Variants in TMEM59 observed in about 807,000 individuals in gnomAD.
TMEM59 encodes the protein dendritic cell factor 1.
TMEM59 carries 44 observed loss-of-function variants against 42.2 expected under a neutral mutation model. The observed-to-expected ratio is 1.04, with a 90% CI of 0.82 to 1.34. The LOEUF (loss-of-function observed/expected upper bound fraction) is 1.34, where lower values mean the gene tolerates loss of function less well. TMEM59 is among the 40% of genes most tolerant of loss of function. TMEM59 has a pLI of 0.00. For synonymous variants in TMEM59, 148 were observed against 145.8 expected, an observed-to-expected ratio of 1.02 and a Z score of -0.11; for missense variants, 359 against 382.8, an observed-to-expected ratio of 0.94 and a Z score of 0.52.
chr1:54,049,329 G>A (rs192981565), intron 1 of TMEM59, among the ~76,000 whole-genome samples: 3 of 152,184 alleles, frequency 2.0e-5, no homozygotes, highest in East Asian at 3.9e-4. Context: ...TCACTATTAG[G>A]AGAATTATAT....
rs1656609922 is a variant in TMEM59 at position 54,026,724 on chromosome 1, T to C, written c.*5426A>G. On this transcript the variant is annotated 3_prime_UTR_variant, in exon 8 of 8. Transcript: ENST00000234831. ...GATCCAAGTTTTATTAAAGTTTACA[T>C]ACTTAAGCATAAATAAATTAACAGA... The C allele has an allele frequency of 6.6e-6, 1 of 152,246 alleles. No individual in the cohort carries two copies. The highest frequency in any genetic ancestry group is 2.4e-5 in the African/African-American group (1 of 41,472). 9.4% of individuals were successfully genotyped at this position (152,246 alleles called of 1,614,324 possible). A position where few individuals can be genotyped will look rare whatever the true frequency, so the allele number is the denominator to read the frequency against.
intron 6 of TMEM59, among the ~76,000 whole-genome samples, chr1:54,039,454 CT>C (rs1170917242): frequency 6.6e-6 from 1 of 152,086 alleles, no homozygotes; most frequent in Non-Finnish European, 1.5e-5. Context: ...AAAAACTGCC[CT>C]TTTTTGGACA....
At chr1:54,048,618 C>A in intron 1 of TMEM59, 1 of 403,388 alleles carries the variant, frequency 2.5e-6, no homozygotes. Flanking sequence ...TTAAAAAAAG[C>A]TATTGCATAT....
At chr1:54,051,052 G>C (rs1383299267) in intron 1 of TMEM59, among the ~76,000 whole-genome samples, 1 of 147,464 alleles carries the variant, frequency 6.8e-6, no homozygotes, top group Non-Finnish European at 1.5e-5. Context: ...ACGGGGTCTT[G>C]CCATGTTGTC....
rs1462760972 is a variant in TMEM59, at chr1:54,041,609, G to C, written c.625+115C>G. 3 of 813,002 alleles carry C rather than the reference G, an allele frequency of 3.7e-6. No individual in the cohort carries two copies. The East Asian group carries it at 7.8e-5, about 21-fold the overall frequency. The allele number at this position is 813,002 out of a possible 1,614,324, so 50.4% of individuals were successfully genotyped here. A position where few individuals can be genotyped will look rare whatever the true frequency, so the allele number is the denominator to read the frequency against. On this transcript the variant is annotated intron_variant, in intron 5 of 7. Transcript: ENST00000234831. ...TACACATGAAAGTTTGAGAACCACT[G>C]TTTTAGAAATTATCTGTTTATGTTC... is the stretch of plus-strand genomic sequence containing the variant.
chr1:54,045,439 G>A, intron 3 of TMEM59: 1 of 401,082 alleles, frequency 2.5e-6, no homozygotes, highest in Non-Finnish European at 4.4e-6. Context: ...TATGTAAAAT[G>A]AGGATAATAT....
In TMEM59 at chr1:54,026,979, T is replaced by C. The variant is rs1393982911; in HGVS notation, c.*5171A>G. 6.6e-6 allele frequency: 1 copy of C among 152,234 alleles called. No individual in the cohort carries two copies. The highest frequency in any genetic ancestry group is 2.4e-5 in the African/African-American group (1 of 41,470). The allele number at this position is 152,234 out of a possible 1,614,324, so 9.4% of individuals were successfully genotyped here. On this transcript the variant is annotated 3_prime_UTR_variant, in exon 8 of 8. Coordinates refer to ENST00000234831, the MANE Select transcript of TMEM59 (RefSeq NM_004872.5). ...AACAAGAAAACAAAATAATTTACTC[T>C]TAAAATGACAAAAGTAAAATTAAGA... is the stretch of plus-strand genomic sequence containing the variant.
At chr1:54,048,450 GTTAA>G (rs1186355219) in intron 1 of TMEM59, among the ~76,000 whole-genome samples, 1 of 152,170 alleles carries the variant, frequency 6.6e-6, no homozygotes, top group African/African-American at 2.4e-5. Flanking sequence ...TGGTAATAGT[GTTAA>G]TAGATTTTTA....
At chr1:54,033,130 CTTTTTT>C (rs929905487) in intron 7 of TMEM59, 1 of 136,578 alleles carries the variant, frequency 7.3e-6, no homozygotes, top group African/African-American at 2.7e-5. Flanking sequence ...TTTTTTCTTT[CTTTTTT>C]TTTTTTAAAT....
Position 54,029,382 on chromosome 1 carries a change from G to T in TMEM59, c.*2768C>A, listed in dbSNP as rs1656696511. ...AGCATGTCTCTTAGATGAGGGACCT[G>T]AGCCAAGAAAGACCTTAGAAGTCTG... is the stretch of plus-strand genomic sequence containing the variant. On this transcript the variant is annotated 3_prime_UTR_variant, in exon 8 of 8. Transcript: ENST00000234831. The T allele has an allele frequency of 6.6e-6, 1 of 152,200 alleles. No homozygotes were observed. The highest frequency in any genetic ancestry group is 1.5e-5 in the Non-Finnish European group (1 of 68,038). 9.4% of individuals were successfully genotyped at this position (152,200 alleles called of 1,614,324 possible). A position where few individuals can be genotyped will look rare whatever the true frequency, so the allele number is the denominator to read the frequency against.
At position 54,040,857 on chromosome 1, in the gene TMEM59, G is replaced by A. The variant is rs771972534; in HGVS notation, c.626-20C>T. Reference sequence around the variant, plus strand: ...GCAGATCTGCTGAAATAGTAAGTATGAGTTTATTATATCCTATATTCCAAA... The same window carrying A: ...GCAGATCTGCTGAAATAGTAAGTATAAGTTTATTATATCCTATATTCCAAA... On this transcript the variant is annotated intron_variant, in intron 5 of 7. Transcript: ENST00000234831. 2.5e-6 allele frequency: 4 copies of A among 1,600,368 alleles called. No individual in the cohort carries two copies. The highest frequency in any genetic ancestry group is 3.3e-5 in the Admixed American group (2 of 59,982).
chr1:54,047,424 C>T, intron 1 of TMEM59, 52 bp from the exon 2 acceptor site: 2 of 1,466,168 alleles, frequency 1.4e-6, no homozygotes, highest in East Asian at 2.3e-5. Context: ...TTTTTTTTTC[C>T]TCAGGGGAAA....
chr1:54,052,686 A>T (rs1203899968), intron 1 of TMEM59, among the ~76,000 whole-genome samples: 1 of 151,932 alleles, frequency 6.6e-6, no homozygotes, highest in African/African-American at 2.4e-5. Context: ...CGCATTAATC[A>T]TCCATATCCT....
intron 3 of TMEM59, chr1:54,044,638 A>G (rs1657266686): frequency 6.6e-6 from 1 of 151,212 alleles, no homozygotes; most frequent in Non-Finnish European, 1.5e-5. Flanking sequence ...CCTCATCTCT[A>G]AAAAACATAA....
At chr1:54,046,005 T>C (rs992888536) in intron 2 of TMEM59, among the ~76,000 whole-genome samples, 1 of 152,192 alleles carries the variant, frequency 6.6e-6, no homozygotes, top group African/African-American at 2.4e-5. Context: ...AATCTATTAA[T>C]TATACACCCA....
At chr1:54,052,648 C>T (rs1280902441) in intron 1 of TMEM59, among the ~76,000 whole-genome samples, 1 of 152,154 alleles carries the variant, frequency 6.6e-6, no homozygotes, top group East Asian at 1.9e-4. Flanking sequence ...TCTACAATCC[C>T]CCCTTACGCT....
At chr1:54,053,249 T>C (rs1657643555), upstream of TMEM59, 3 of 1,581,970 alleles carry the variant, frequency 1.9e-6, no homozygotes, top group East Asian at 2.2e-5. Context: ...GGTTTCCTCC[T>C]CCTCCTGGGG....
chr1:54,036,467 G>A (rs1656953218), intron 7 of TMEM59, 143 bp downstream of exon 7: 1 of 543,330 alleles, frequency 1.8e-6, no homozygotes, highest in Non-Finnish European at 3.2e-6. Flanking sequence ...ATTTTTATGT[G>A]TGCCAACCTC....
In TMEM59 at chr1:54,047,271, T is replaced by C. The variant is rs1235993273; in HGVS notation, c.291A>G (p.Glu97=). The change falls in exon 2 of 8, where the codon GAA becomes GAG. Residue 97 remains glutamate (E), a synonymous_variant. Transcript: ENST00000234831. ...IDLNRTKLEC[E]SACTEAYSQS... ...GTCGTTAGCATAGCATCTTACCAGA[T>C]TCACATTCCAATTTAGTTCGATTTA... 1 of 1,612,772 alleles carries C rather than the reference T, an allele frequency of 6.2e-7. No individual in the cohort carries two copies. Among genetic ancestry groups the C allele is most frequent in the South Asian group, 1.1e-5 (1 of 90,990 alleles).
Sources: allele counts gnomAD v4.1 joint callset (sites outside exome capture counted in the v4.1 genomes callset), GRCh38; gene constraint gnomAD v4.1.1; transcripts MANE v1.5; gene names NCBI Gene and HGNC (gene_info 2026-07-23, HGNC 2026-07-21).